The following LRRC7 variants were observed in gnomAD, a reference collection of about 807,000 sequenced individuals.
LRRC7 encodes leucine-rich repeat-containing protein 7.
Under a neutral mutation model 175.7 loss-of-function variants are expected in LRRC7, and 23 were observed. The observed-to-expected ratio is 0.13, with a 90% CI of 0.09 to 0.19. LRRC7 has a LOEUF of 0.19. LRRC7 is among the 10% of genes least tolerant of loss of function. The probability of loss-of-function intolerance (pLI) is 1.00; values close to 1 mark genes in which losing one functional copy is unlikely to be tolerated. For synonymous variants in LRRC7, 685 were observed against 680.9 expected, an observed-to-expected ratio of 1.01 and a Z score of -0.09; for missense variants, 1,354 against 1,904.7, an observed-to-expected ratio of 0.71 and a Z score of 5.38.
At chr1:70,089,914 G>A in intron 25 of LRRC7, 95 bp downstream of exon 25, 1 of 876,318 alleles carries the variant, frequency 1.1e-6, no homozygotes, top group Non-Finnish European at 1.7e-6. Context: ...TTTTTGTTGT[G>A]TTTTCATGAG....
chr1:69,855,698 G>A (rs12044160), intron 7 of LRRC7, among the ~76,000 whole-genome samples: 7,532 of 151,920 alleles, frequency 0.05, 237 homozygotes, highest in East Asian at 0.15. Context: ...TTTCTGTCTC[G>A]TTGATCTGTC....
intron 7 of LRRC7, among the ~76,000 whole-genome samples, chr1:69,925,135 T>A (rs1647023343): frequency 6.6e-6 from 1 of 152,192 alleles, no homozygotes; most frequent in African/African-American, 2.4e-5. Flanking sequence ...TAGCCTTGGG[T>A]CCCAGGGATG....
chr1:69,997,825 G>C (rs1054595544), intron 11 of LRRC7, among the ~76,000 whole-genome samples: 15 of 152,100 alleles, frequency 9.9e-5, no homozygotes, highest in African/African-American at 3.1e-4. Flanking sequence ...GAGGATTTTT[G>C]CATCAATGTT....
chr1:69,948,782 C>G (rs944305275), intron 8 of LRRC7, among the ~76,000 whole-genome samples: 1 of 152,156 alleles, frequency 6.6e-6, no homozygotes, highest in South Asian at 2.1e-4. Context: ...AGGCCTAAAG[C>G]TTTACTTGAC....
rs1667125811 is a variant in LRRC7 at position 70,142,946 on chromosome 1, A to C, written c.*21059A>C. The C allele has an allele frequency of 6.6e-6, 1 of 152,022 alleles. No individual in the cohort carries two copies. The highest frequency in any genetic ancestry group is 1.5e-5 in the Non-Finnish European group (1 of 67,964). The allele number at this position is 152,022 out of a possible 1,614,324, so 9.4% of individuals were successfully genotyped here. ...AAATTATTTTTTCCTAAACGATTTC[A>C]TAATTGATTACTTTTGACCTCAGTT... On this transcript the variant is annotated 3_prime_UTR_variant, in exon 27 of 27. Coordinates refer to ENST00000651989, the MANE Select transcript of LRRC7 (RefSeq NM_001370785.2).
chr1:69,820,480 T>A (rs1679151090), intron 4 of LRRC7, among the ~76,000 whole-genome samples: 1 of 152,116 alleles, frequency 6.6e-6, no homozygotes, highest in African/African-American at 2.4e-5. Context: ...CAACCTGTCA[T>A]CTACATTAGG....
At chr1:69,789,938 A>G (rs1488193906) in intron 3 of LRRC7, among the ~76,000 whole-genome samples, 1 of 152,070 alleles carries the variant, frequency 6.6e-6, no homozygotes, top group Non-Finnish European at 1.5e-5. Context: ...CATTTTCACA[A>G]GTACCTTATT....
chr1:69,878,322 C>T (rs2101602846), intron 7 of LRRC7, among the ~76,000 whole-genome samples: 1 of 149,816 alleles, frequency 6.7e-6, no homozygotes, highest in Middle Eastern at 3.5e-3. Flanking sequence ...GACAGACTGA[C>T]ATCTGCATTT....
intron 2 of LRRC7, among the ~76,000 whole-genome samples, chr1:69,702,210 G>A (rs966903233): frequency 6.6e-5 from 10 of 152,252 alleles, no homozygotes; most frequent in South Asian, 4.1e-4. Flanking sequence ...ATCACACACC[G>A]TATTTAATCA....
Position 69,774,855 on chromosome 1 carries a change from C to T in LRRC7, c.303+14462C>T, listed in dbSNP as rs192272089. 2.0e-5 allele frequency among the ~76,000 whole-genome samples: 3 copies of T among 150,760 alleles called. No homozygotes were observed. The East Asian group carries it at 5.8e-4, about 29-fold the overall frequency. ...AGTGCCATAATATGAAATAAATACA[C>T]GATCTCTACAATTGATAGAAAAAGA... On this transcript the variant is annotated intron_variant, in intron 3 of 26. Transcript: ENST00000651989.
At chr1:69,979,243 A>AAAAC (rs1012677855) in intron 8 of LRRC7, among the ~76,000 whole-genome samples, 3 of 152,312 alleles carry the variant, frequency 2.0e-5, no homozygotes, top group African/African-American at 7.2e-5. Context: ...AAAGTGGTAA[A>AAAAC]AAACAAACAA....
rs1660867547 is a variant in LRRC7 at position 70,053,081 on chromosome 1, G to A, written c.4166G>A (p.Ser1389Asn). The change falls in exon 23 of 27, where the codon AGT becomes AAT. Residue 1389 changes from serine to asparagine, a missense_variant. Ser to Asn is a conservative substitution (Grantham distance 46). Around this residue, in one of 4 missense-constraint regions of LRRC7, gnomAD observed 1,032 missense variants for 1,227.2 expected, o/e 0.84. Transcript: ENST00000651989. ...AATGGACAAGAAGATGTATCTCCTA[G>A]TGGCCAATGGAATCCTTATCCACTT... ...LDNGQEDVSPSGQWNPYPLGR... is the reference protein window; with the variant it reads ...LDNGQEDVSPNGQWNPYPLGR... 6.2e-7 allele frequency: 1 copy of A among 1,611,612 alleles called. No homozygotes were observed. Among genetic ancestry groups the A allele is most frequent in the South Asian group, 1.1e-5 (1 of 90,546 alleles).
intron 7 of LRRC7, among the ~76,000 whole-genome samples, chr1:69,870,792 T>G (rs1685453739): frequency 6.6e-6 from 1 of 152,124 alleles, no homozygotes; most frequent in Non-Finnish European, 1.5e-5. Context: ...CTCCCTCTTC[T>G]GTAGAGGCTT....
chr1:69,624,607 C>T (rs936266539), intron 1 of LRRC7, among the ~76,000 whole-genome samples: 1 of 151,880 alleles, frequency 6.6e-6, no homozygotes, highest in African/African-American at 2.4e-5. Context: ...AAATATTTTC[C>T]TGCATTAAAT....
At chr1:69,600,924 G>T (rs1001483759) in intron 1 of LRRC7, among the ~76,000 whole-genome samples, 2 of 140,374 alleles carry the variant, frequency 1.4e-5, no homozygotes, top group East Asian at 4.6e-4. Flanking sequence ...CTATTCCCCT[G>T]CCTCAACCTC....
At chr1:69,882,611 T>A (rs1405115701) in intron 7 of LRRC7, among the ~76,000 whole-genome samples, 1 of 134,272 alleles carries the variant, frequency 7.4e-6, no homozygotes, top group Non-Finnish European at 1.6e-5. Context: ...GACATTTTTC[T>A]TTTTTTTTTT....
At chr1:70,069,275 T>A (rs542102617) in intron 23 of LRRC7, among the ~76,000 whole-genome samples, 1 of 152,228 alleles carries the variant, frequency 6.6e-6, no homozygotes, top group South Asian at 2.1e-4. Context: ...AGCAGACACC[T>A]TCTTCAAAGG....
chr1:69,712,961 A>G (rs767709811), intron 2 of LRRC7, among the ~76,000 whole-genome samples: 3 of 152,108 alleles, frequency 2.0e-5, no homozygotes, highest in Non-Finnish European at 4.4e-5. Context: ...ATTTAGCCAC[A>G]TATTCCCTCC....
chr1:70,065,768 A>T (rs770353724), intron 23 of LRRC7, among the ~76,000 whole-genome samples: 2 of 151,978 alleles, frequency 1.3e-5, no homozygotes, highest in African/African-American at 4.8e-5. Context: ...TTATGGCAGA[A>T]TGTATTTAGT....
Sources: gnomAD v4.1 joint callset for allele counts (sites outside exome capture counted in the v4.1 genomes callset) on GRCh38, gnomAD v4.1.1 for gene constraint, gnomAD v4.1.1 regional missense constraint, MANE v1.5 for transcripts, NCBI Gene and HGNC (gene_info 2026-07-23, HGNC 2026-07-21) for gene names.